Variants in HIVEP1 observed in about 807,000 individuals in gnomAD.
HIVEP1 encodes the protein zinc finger protein 40.
A neutral mutation model predicts 180.0 loss-of-function variants in HIVEP1; 36 were observed. The ratio of observed to expected loss-of-function variants is 0.20; its 90% CI spans 0.15 to 0.26. The LOEUF is 0.26. Among genes scored for constraint, HIVEP1 ranks in the 10% least tolerant of loss-of-function variants. The pLI is 1.00. For missense variants in HIVEP1, 3,143 were observed against 3,268.7 expected (o/e 0.96, Z 0.94); for synonymous variants, 1,239 against 1,239.0 (o/e 1.00, Z 0.00).
At chr6:12,194,588 G>A in the HIVEP1 span, among the ~76,000 whole-genome samples, 2 of 152,130 alleles carry the variant, frequency 1.3e-5, no homozygotes, top group South Asian at 4.1e-4. Context: ...GTCACTTTGA[G>A]GTCAGGAGTT....
intron 2 of HIVEP1, among the ~76,000 whole-genome samples, chr6:12,055,219 A>T (rs1218313453): frequency 3.3e-5 from 5 of 152,258 alleles, no homozygotes; most frequent in African/African-American, 1.2e-4. Context: ...TCACGCCTGT[A>T]ATCCCATCAC....
chr6:12,173,888 ATCAG>A, the HIVEP1 span, among the ~76,000 whole-genome samples: 1 of 152,202 alleles, frequency 6.6e-6, no homozygotes, highest in Non-Finnish European at 1.5e-5. Flanking sequence ...CAGCTCTGAG[ATCAG>A]TCAATTAGCC....
the HIVEP1 span, among the ~76,000 whole-genome samples, chr6:12,171,370 A>C: frequency 6.6e-6 from 1 of 152,234 alleles, no homozygotes; most frequent in East Asian, 1.9e-4. Flanking sequence ...ATGATTTCAT[A>C]ATACATTATG....
At chr6:12,186,284 T>G in the HIVEP1 span, among the ~76,000 whole-genome samples, 1 of 150,534 alleles carries the variant, frequency 6.6e-6, no homozygotes, top group Admixed American at 6.6e-5. Flanking sequence ...ATACATATAA[T>G]TAATAATAAA....
intron 2 of HIVEP1, among the ~76,000 whole-genome samples, chr6:12,064,250 A>G (rs1170767172): frequency 1.3e-5 from 2 of 152,180 alleles, no homozygotes; most frequent in African/African-American, 4.8e-5. Context: ...CGGCATATGT[A>G]TCATAAATTT....
intron 3 of HIVEP1, among the ~76,000 whole-genome samples, chr6:12,094,160 C>G (rs1345141228): frequency 6.6e-6 from 1 of 151,634 alleles, no homozygotes; most frequent in Non-Finnish European, 1.5e-5. Context: ...TTTCTAGTTC[C>G]TGGCAAATAA....
At chr6:12,051,001 C>CATATAT (rs1161977899) in intron 2 of HIVEP1, among the ~76,000 whole-genome samples, 8,821 of 77,398 alleles carry the variant, frequency 0.11, 824 homozygotes, top group Admixed American at 0.17. Flanking sequence ...TACACAAGTG[C>CATATAT]ATATATATAT....
Position 12,156,162 on chromosome 6 carries a change from G to A in HIVEP1, c.6488-5277G>A, listed in dbSNP as rs529303651. Among the ~76,000 whole-genome samples the A allele has an allele frequency of 6.6e-5, 10 of 152,014 alleles. No individual in the cohort carries two copies. In the South Asian group the frequency reaches 1.7e-3, roughly 25 times the overall value. On this transcript the variant is annotated intron_variant, in intron 7 of 8. Transcript: ENST00000379388. ...TCTGGACATTAGACCTTTGTCAGAT[G>A]GATAGATTGTGAAAATTTTCTCCCA...
upstream of HIVEP1, among the ~76,000 whole-genome samples, chr6:12,010,840 G>C (rs1291113569): frequency 6.6e-6 from 1 of 152,084 alleles, no homozygotes; most frequent in Non-Finnish European, 1.5e-5. Context: ...CTAGCAGCCG[G>C]GGTCACACCT....
chr6:12,035,178 T>G (rs1467492296), intron 2 of HIVEP1, among the ~76,000 whole-genome samples: 1 of 152,232 alleles, frequency 6.6e-6, no homozygotes, highest in Non-Finnish European at 1.5e-5. Context: ...GAGAAAGCTG[T>G]TCAGTATATT....
At chr6:12,017,004 G>A (rs1057486453) in intron 2 of HIVEP1, among the ~76,000 whole-genome samples, 7 of 152,168 alleles carry the variant, frequency 4.6e-5, no homozygotes, top group African/African-American at 1.4e-4. Flanking sequence ...ACAGTTCCTG[G>A]CAGCTAATGG....
intron 2 of HIVEP1, among the ~76,000 whole-genome samples, chr6:12,047,092 C>T (rs1426477410): frequency 6.6e-6 from 1 of 152,022 alleles, no homozygotes; most frequent in Non-Finnish European, 1.5e-5. Flanking sequence ...AACTCCTGAC[C>T]TTGTGATCTA....
At chr6:12,041,295 A>T (rs530317035) in intron 2 of HIVEP1, among the ~76,000 whole-genome samples, 2 of 151,678 alleles carry the variant, frequency 1.3e-5, no homozygotes, top group East Asian at 3.9e-4. Flanking sequence ...GGTGGTGGGC[A>T]CCTGTAGTCC....
rs542090941 is a variant in HIVEP1, at chr6:12,121,405, G to C, written c.1610G>C (p.Ser537Thr). The stretch of plus-strand genomic sequence containing the variant: ...CTAAAATCAAGCTTCACTCCAAGCA[G>C]TCCAGAAAATGTGATAGGTGACTTT... ...TLLKSSFTPS[S>T]PENVIGDFLL... Residue 537 changes from serine to threonine, a missense_variant, in exon 4 of 9, where the codon AGT becomes ACT. Transcript: ENST00000379388. The surrounding 1 kb of genome is among the most constrained non-coding windows in gnomAD (Gnocchi z 5.3). The C allele has an allele frequency of 1.2e-6, 2 of 1,614,206 alleles. No homozygotes were observed. Among genetic ancestry groups the C allele is most frequent in the Admixed American group, 3.3e-5 (2 of 60,022 alleles).
At chr6:12,064,792 G>C (rs1446163104) in intron 2 of HIVEP1, among the ~76,000 whole-genome samples, 1 of 152,190 alleles carries the variant, frequency 6.6e-6, no homozygotes, top group Non-Finnish European at 1.5e-5. Context: ...AGTTAGATCA[G>C]TTAGTGGCTG....
rs116583536 is a variant in HIVEP1 at position 12,018,232 on chromosome 6, C to T, written c.40+2564C>T. ...CTGGGAACTCTAGCTGGCCTACAAG[C>T]GCCACGCGCGGCCCCCGTTCCTGCC... On this transcript the variant is annotated intron_variant, in intron 2 of 8. Coordinates refer to ENST00000379388, the MANE Select transcript of HIVEP1 (RefSeq NM_002114.4). Among the ~76,000 whole-genome samples, 1,360 of 152,308 alleles carry T rather than the reference C, an allele frequency of 8.9e-3. 19 individuals are homozygous for T. Among genetic ancestry groups the T allele is most frequent in the African/African-American group, 0.03 (1,238 of 41,554 alleles).
intron 2 of HIVEP1, among the ~76,000 whole-genome samples, chr6:12,065,160 T>C (rs1037601356): frequency 5.3e-5 from 8 of 152,202 alleles, no homozygotes; most frequent in African/African-American, 1.9e-4. Context: ...ACTGTTACTT[T>C]CCTGGAATCA....
chr6:12,152,111 A>G (rs935192322), intron 7 of HIVEP1, among the ~76,000 whole-genome samples: 1 of 152,092 alleles, frequency 6.6e-6, no homozygotes, highest in African/African-American at 2.4e-5. Context: ...AGCCAGGATT[A>G]TGCCACTGCA....
chr6:12,148,675 A>G (rs1391738799), intron 7 of HIVEP1, among the ~76,000 whole-genome samples: 2 of 152,226 alleles, frequency 1.3e-5, no homozygotes, highest in South Asian at 2.1e-4. Flanking sequence ...GTGTGTCAAC[A>G]GTAGAAATTC....
Sources: allele counts gnomAD v4.1 joint callset (sites outside exome capture counted in the v4.1 genomes callset), GRCh38; gene constraint gnomAD v4.1.1; non-coding constraint Gnocchi (gnomAD v3.1); transcripts MANE v1.5; gene names NCBI Gene and HGNC (gene_info 2026-07-23, HGNC 2026-07-21).